The following UPF2 variants were observed in gnomAD, a reference collection of about 807,000 sequenced individuals.
UPF2 encodes UPF2 regulator of nonsense mediated mRNA decay.
A neutral mutation model predicts 141.4 loss-of-function variants in UPF2; 17 were observed. That is an observed-to-expected ratio of 0.12 (90% CI 0.08 to 0.18). The LOEUF (loss-of-function observed/expected upper bound fraction) is 0.18, where lower values mean the gene tolerates loss of function less well. UPF2 is among the 10% of genes least tolerant of loss of function. The probability of loss-of-function intolerance (pLI) is 1.00; values close to 1 mark genes in which losing one functional copy is unlikely to be tolerated. For synonymous variants in UPF2, 540 were observed against 498.0 expected, an observed-to-expected ratio of 1.08 and a Z score of -1.12; for missense variants, 1,152 against 1,515.9, an observed-to-expected ratio of 0.76 and a Z score of 3.99.
At chr10:11,948,551 G>T in intron 15 of UPF2, 43 bp from the exon 16 acceptor site, 1 of 1,600,098 alleles carries the variant, frequency 6.2e-7, no homozygotes, top group Non-Finnish European at 8.5e-7. Context: ...ATTAAAAATA[G>T]ACACAGGCTA....
intron 4 of UPF2, among the ~76,000 whole-genome samples, chr10:12,008,774 T>C (rs1834080479): frequency 6.6e-6 from 1 of 152,016 alleles, no homozygotes; most frequent in Non-Finnish European, 1.5e-5. Flanking sequence ...TTGCTGCACT[T>C]ACCAACCCGT....
At chr10:11,964,174 A>G in intron 10 of UPF2, 49 bp from the exon 11 acceptor site, 1 of 1,374,322 alleles carries the variant, frequency 7.3e-7, no homozygotes, top group Non-Finnish European at 1.0e-6. Flanking sequence ...CTTCAATCCT[A>G]GTAGAGAAGA....
At chr10:12,018,937 A>G (rs529681174) in intron 3 of UPF2, among the ~76,000 whole-genome samples, 54 of 152,336 alleles carry the variant, frequency 3.5e-4, no homozygotes, top group African/African-American at 1.3e-3. Flanking sequence ...ATTACACAAC[A>G]CATCTGACCA....
rs1231620462 is a variant in UPF2 at position 11,948,449 on chromosome 10, C to G, written c.3094G>C (p.Asp1032His). The change falls in exon 16 of 22, where the codon GAT becomes CAT. Residue 1032 changes from aspartate to histidine, a missense_variant. This residue lies in a region of UPF2 where 202 missense variants were observed against 223.6 expected (regional missense o/e 0.90). Coordinates refer to ENST00000357604, the MANE Select transcript of UPF2 (RefSeq NM_015542.4). ...GCCCCACCTTCTTCTTCTTCTTCAT[C>G]CTCTTCAAGATTTTCTCCTTCTGTC... Reference protein sequence around the residue: ...SMTEGENLEEDEEEEEGGAET... With the variant: ...SMTEGENLEEHEEEEEGGAET... 1 of 1,613,136 alleles carries G rather than the reference C, an allele frequency of 6.2e-7. No homozygotes were observed. Among genetic ancestry groups the G allele is most frequent in the Non-Finnish European group, 8.5e-7 (1 of 1,179,896 alleles).
In UPF2 at chr10:11,940,032, A is replaced by G. The variant is rs566430154; in HGVS notation, c.3378+2633T>C. ...TAAGGGCTTGATTTATGGAAAAATAATATCTCTAGGATACTGCATCCTCCT... is the reference window on the plus strand; with the variant it reads ...TAAGGGCTTGATTTATGGAAAAATAGTATCTCTAGGATACTGCATCCTCCT... On this transcript the variant is annotated intron_variant, in intron 18 of 21. Coordinates refer to ENST00000357604, the MANE Select transcript of UPF2 (RefSeq NM_015542.4). The surrounding 1 kb of genome is among the most constrained non-coding windows in gnomAD (Gnocchi z 4.2). Among the ~76,000 whole-genome samples, 240 of 152,194 alleles carry G rather than the reference A, an allele frequency of 1.6e-3. 4 individuals carry two copies. Among genetic ancestry groups the G allele is most frequent in the Non-Finnish European group, 2.9e-3 (195 of 68,028 alleles).
intron 7 of UPF2, among the ~76,000 whole-genome samples, chr10:11,999,421 G>A (rs1198672247): frequency 6.7e-6 from 1 of 149,444 alleles, no homozygotes; most frequent in Non-Finnish European, 1.5e-5. Context: ...GCTGAGGCAG[G>A]AGAATTGCTT....
chr10:11,948,526 G>A lies in UPF2; in HGVS notation c.3035-18C>T, dbSNP rs1260315577. The A allele has an allele frequency of 2.5e-6, 4 of 1,607,576 alleles. No homozygotes were observed. The highest frequency in any genetic ancestry group is 2.2e-5 in the East Asian group (1 of 44,778). On this transcript the variant is annotated intron_variant, in intron 15 of 21. Transcript: ENST00000357604. Reference sequence around the variant, plus strand: ...TACTAGGCCTTGAAATGAGAAGGTGGAAATGGAAAAATACATTAAAAATAG... The same window carrying A: ...TACTAGGCCTTGAAATGAGAAGGTGAAAATGGAAAAATACATTAAAAATAG...
At chr10:11,937,515 T>C (rs926758241) in intron 18 of UPF2, among the ~76,000 whole-genome samples, 4 of 152,178 alleles carry the variant, frequency 2.6e-5, no homozygotes, top group African/African-American at 7.2e-5. Context: ...CTTCATAAAC[T>C]TCTTCTAAGC....
intron 21 of UPF2, among the ~76,000 whole-genome samples, chr10:11,926,814 A>G (rs1832718724): frequency 6.6e-6 from 1 of 152,212 alleles, no homozygotes; most frequent in Admixed American, 6.5e-5. Flanking sequence ...AGAAGGGGCA[A>G]GTGTAGCCGA....
chr10:11,938,868 T>TTTTTTG (rs1832896627), intron 18 of UPF2, among the ~76,000 whole-genome samples: 1 of 90,822 alleles, frequency 1.1e-5, no homozygotes, highest in African/African-American at 3.7e-5. Flanking sequence ...TTTTTTTTTT[T>TTTTTTG]TTTTTTTTTT....
chr10:11,973,939 G>C (rs1169716991), intron 9 of UPF2, among the ~76,000 whole-genome samples: 1 of 152,180 alleles, frequency 6.6e-6, no homozygotes, highest in African/African-American at 2.4e-5. Context: ...TTGGTAGTTT[G>C]ATGGGGATGG....
In UPF2 at chr10:12,004,423, A is replaced by G. The variant is rs191868546; in HGVS notation, c.1504+107T>C. 34 of 834,712 alleles carry G rather than the reference A, an allele frequency of 4.1e-5. No individual in the cohort carries two copies. The Admixed American group carries it at 7.7e-4, about 19-fold the overall frequency. 51.7% of individuals were successfully genotyped at this position (834,712 alleles called of 1,614,324 possible). ...CATTTACTCTAATGACTCAATGTTC[A>G]TATTACAAAACTAGTAACTACAATA... On this transcript the variant is annotated intron_variant, in intron 5 of 21. Coordinates refer to ENST00000357604, the MANE Select transcript of UPF2 (RefSeq NM_015542.4).
At chr10:11,954,322 A>G (rs1208855811) in intron 14 of UPF2, among the ~76,000 whole-genome samples, 1 of 151,964 alleles carries the variant, frequency 6.6e-6, no homozygotes, top group Non-Finnish European at 1.5e-5. Context: ...CTCAAAAATG[A>G]TAGGTTTTCT....
chr10:11,963,592 C>T (rs941647892), intron 11 of UPF2, among the ~76,000 whole-genome samples: 9 of 152,298 alleles, frequency 5.9e-5, no homozygotes, highest in East Asian at 3.9e-4. Context: ...TGAGCCACTG[C>T]GCCTGGCCTT....
rs894778207 is a variant in UPF2, at chr10:11,939,559, G to A, written c.3379-2847C>T. 1.3e-5 allele frequency among the ~76,000 whole-genome samples: 2 copies of A among 150,106 alleles called. No homozygotes were observed. Among genetic ancestry groups the A allele is most frequent in the East Asian group, 2.0e-4 (1 of 5,128 alleles). On this transcript the variant is annotated intron_variant, in intron 18 of 21. Transcript: ENST00000357604. The surrounding 1 kb of genome is among the most constrained non-coding windows in gnomAD (Gnocchi z 4.8). ...ACGAAGTCTCGCTCTTGTCTCCCCC[G>A]GCTGGAGTGCAATGGCGTGATCTCG... is the stretch of plus-strand genomic sequence containing the variant.
rs915303254 is a variant in UPF2 at position 11,935,194 on chromosome 10, T to C, written c.3546+1351A>G. ...CCTGGCATCTCACCATCCGTGTCTC[T>C]TTCTATCCTCTTACCCTGCTTTATC... On this transcript the variant is annotated intron_variant, in intron 19 of 21. Transcript: ENST00000357604. The surrounding 1 kb of genome is among the most constrained non-coding windows in gnomAD (Gnocchi z 4.9). Among the ~76,000 whole-genome samples, 2 of 152,142 alleles carry C rather than the reference T, an allele frequency of 1.3e-5. No homozygotes were observed. The highest frequency in any genetic ancestry group is 2.4e-5 in the African/African-American group (1 of 41,424).
chr10:11,982,509 C>G (rs1833615812), intron 8 of UPF2, among the ~76,000 whole-genome samples: 1 of 152,196 alleles, frequency 6.6e-6, no homozygotes. Flanking sequence ...TTTCCCTAAA[C>G]ATCCATACTG....
intron 15 of UPF2, 42 bp downstream of exon 15, chr10:11,952,024 C>T: frequency 6.3e-7 from 1 of 1,584,376 alleles, no homozygotes; most frequent in Non-Finnish European, 8.7e-7. Flanking sequence ...AAATAATCTG[C>T]CAAATATCAC....
rs553482982 is a variant in UPF2, at chr10:12,035,166, T to C, written c.258A>G (p.Ser86=). The part of the protein sequence containing the change: ...DEEKVKAEEE[S]KKKEEEEKKK... ...TTTTTTCTTCCTCTTCTTTTTTCTT[T>C]GATTCTTCCTCTGCCTTCACCTTTT... Residue 86 remains serine, a synonymous_variant, in exon 2 of 22, where the codon TCA becomes TCG. Coordinates refer to ENST00000357604, the MANE Select transcript of UPF2 (RefSeq NM_015542.4). 5.0e-6 allele frequency: 8 copies of C among 1,607,588 alleles called. No homozygotes were observed. In the African/African-American group the frequency reaches 1.1e-4, roughly 22 times the overall value.
Sources: gnomAD v4.1 joint callset for allele counts (sites outside exome capture counted in the v4.1 genomes callset) on GRCh38, gnomAD v4.1.1 for gene constraint, gnomAD v4.1.1 regional missense constraint, Gnocchi (gnomAD v3.1) non-coding constraint, MANE v1.5 for transcripts, NCBI Gene and HGNC (gene_info 2026-07-23, HGNC 2026-07-21) for gene names.